The following HEATR5A variants were observed in gnomAD, a reference collection of about 807,000 sequenced individuals.
HEATR5A encodes the protein HEAT repeat containing 5A, also known as HEAT repeat-containing protein 5A.
Under a neutral mutation model 218.8 loss-of-function variants are expected in HEATR5A, and 178 were observed. The ratio of observed to expected loss-of-function variants is 0.81; its 90% CI spans 0.72 to 0.92. HEATR5A has a LOEUF of 0.92. Among genes scored for constraint, HEATR5A ranks in the 40% least tolerant of loss-of-function variants. HEATR5A has a pLI of 0.00. For missense variants in HEATR5A, 2,420 were observed against 2,418.9 expected, an observed-to-expected ratio of 1.00 and a Z score of -0.01; for synonymous variants, 864 against 871.6, an observed-to-expected ratio of 0.99 and a Z score of 0.15.
intron 12 of HEATR5A, among the ~76,000 whole-genome samples, chr14:31,374,572 GT>G (rs1031793356): frequency 6.6e-6 from 1 of 152,096 alleles, no homozygotes; most frequent in African/African-American, 2.4e-5. Flanking sequence ...AATGTTGGCA[GT>G]TTTAACTGGA....
intron 4 of HEATR5A, among the ~76,000 whole-genome samples, chr14:31,398,337 T>C (rs1191653363): frequency 1.3e-5 from 2 of 152,178 alleles, no homozygotes; most frequent in Admixed American, 6.5e-5. Flanking sequence ...TAGTCCCTGG[T>C]GACAAGCAGT....
intron 22 of HEATR5A, among the ~76,000 whole-genome samples, chr14:31,334,692 G>C (rs1017114675): frequency 4.6e-5 from 7 of 152,098 alleles, no homozygotes; most frequent in African/African-American, 1.4e-4. Context: ...CACGCCTTTA[G>C]TCCCAGCACT....
At chr14:31,398,311 A>G (rs2030735855) in intron 4 of HEATR5A, among the ~76,000 whole-genome samples, 1 of 152,192 alleles carries the variant, frequency 6.6e-6, no homozygotes, top group Non-Finnish European at 1.5e-5. Context: ...AAGGTATACA[A>G]TGTTTATCAA....
chr14:31,378,540 C>T (rs943485575), intron 11 of HEATR5A, among the ~76,000 whole-genome samples: 6 of 152,146 alleles, frequency 3.9e-5, no homozygotes, highest in Non-Finnish European at 7.4e-5. Flanking sequence ...GTAATCCCAG[C>T]GCTTTGGGAG....
Position 31,398,741 on chromosome 14 carries a change from C to T in HEATR5A, c.379G>A (p.Gly127Ser), listed in dbSNP as rs1313123245. ...VCLGSLYKKL[G>S]RILGNTFTDT... The stretch of plus-strand genomic sequence containing the variant: ...GTAAAGGTGTTACCCAGTATTCTAC[C>T]CAACTTCTTGTACAAGGAACCCAAA... The change falls in exon 4 of 36, where the codon GGT becomes AGT. Residue 127 changes from glycine to serine, a missense_variant. Transcript: ENST00000543095. 1.3e-6 allele frequency: 2 copies of T among 1,533,622 alleles called. No individual in the cohort carries two copies. Among genetic ancestry groups the T allele is most frequent in the Admixed American group, 2.0e-5 (1 of 50,980 alleles).
chr14:31,337,639 A>T, intron 21 of HEATR5A, 25 bp from the exon 22 acceptor site: 1 of 1,586,238 alleles, frequency 6.3e-7, no homozygotes, highest in South Asian at 1.2e-5. Flanking sequence ...TTGAGGAACG[A>T]CAGAGCTAAA....
intron 3 of HEATR5A, 146 bp from the exon 4 acceptor site, chr14:31,398,927 A>G (rs1369439827): frequency 6.7e-6 from 4 of 599,848 alleles, no homozygotes; most frequent in East Asian, 2.8e-5. Flanking sequence ...AAACACAAAC[A>G]TATTTAATTG....
At chr14:31,319,209 A>G (rs1372267037) in intron 25 of HEATR5A, among the ~76,000 whole-genome samples, 1 of 151,872 alleles carries the variant, frequency 6.6e-6, no homozygotes. Context: ...CTGGAGTGCA[A>G]TGGCATGATC....
At chr14:31,317,854 T>C (rs955080340) in intron 26 of HEATR5A, among the ~76,000 whole-genome samples, 7 of 152,200 alleles carry the variant, frequency 4.6e-5, no homozygotes, top group African/African-American at 1.7e-4. Context: ...TAAACACCTC[T>C]AATATCCATC....
At chr14:31,370,756 GAACTTAAAACATAGGTAA>G (rs983968115) in intron 13 of HEATR5A, among the ~76,000 whole-genome samples, 5 of 152,094 alleles carry the variant, frequency 3.3e-5, no homozygotes, top group Non-Finnish European at 7.4e-5. Flanking sequence ...GAAAATGAAT[GAACTTAAAACATAGGTAA>G]AACTTAGAAA....
rs149846367 is a variant in HEATR5A, at chr14:31,335,648, C to T, written c.3367+1828G>A. Among the ~76,000 whole-genome samples, 447 of 152,160 alleles carry T rather than the reference C, an allele frequency of 2.9e-3. 13 individuals carry two copies. In the East Asian group the frequency reaches 0.064, roughly 22 times the overall value. ...ATGATGGTACTTTGAAAACTATATA[C>T]ATAAATTATTATTATTATTTTTTGA... is the stretch of plus-strand genomic sequence containing the variant. On this transcript the variant is annotated intron_variant, in intron 22 of 35. Coordinates refer to ENST00000543095, the MANE Select transcript of HEATR5A (RefSeq NM_015473.4).
At chr14:31,341,073 A>T (rs1005767559) in intron 21 of HEATR5A, among the ~76,000 whole-genome samples, 1 of 152,224 alleles carries the variant, frequency 6.6e-6, no homozygotes, top group Non-Finnish European at 1.5e-5. Flanking sequence ...AACAAATTCA[A>T]TCTAATAAAT....
At chr14:31,412,735 T>C (rs1744572077) in intron 1 of HEATR5A, among the ~76,000 whole-genome samples, 1 of 151,782 alleles carries the variant, frequency 6.6e-6, no homozygotes, top group African/African-American at 2.4e-5. Context: ...TAGCTGGGCG[T>C]GGTGGCAGGC....
At chr14:31,320,136 T>C in intron 25 of HEATR5A, 1 of 279,082 alleles carries the variant, frequency 3.6e-6, no homozygotes, top group Non-Finnish European at 6.9e-6. Flanking sequence ...AGAAACGTTG[T>C]GTTTAATGGT....
chr14:31,342,667 T>C (rs1194406352), intron 21 of HEATR5A, among the ~76,000 whole-genome samples: 1 of 152,034 alleles, frequency 6.6e-6, no homozygotes, highest in African/African-American at 2.4e-5. Flanking sequence ...TCTACAAAGG[T>C]AGTATGGAAT....
chr14:31,358,539 T>C (rs1375921129), intron 16 of HEATR5A, 98 bp downstream of exon 16: 4 of 1,079,154 alleles, frequency 3.7e-6, no homozygotes, highest in East Asian at 2.4e-5. Context: ...TCACCTGTTA[T>C]TTATAAGAAA....
intron 16 of HEATR5A, among the ~76,000 whole-genome samples, chr14:31,356,494 C>G (rs1347833102): frequency 6.6e-6 from 1 of 152,164 alleles, no homozygotes; most frequent in Non-Finnish European, 1.5e-5. Context: ...CTTGGCCTCC[C>G]AAAGTGCTTG....
At chr14:31,300,750 G>A (rs1167195505) in intron 33 of HEATR5A, among the ~76,000 whole-genome samples, 4 of 152,126 alleles carry the variant, frequency 2.6e-5, no homozygotes, top group Non-Finnish European at 4.4e-5. Context: ...GACTTCTTTT[G>A]CCCAATATTG....
At chr14:31,347,094 A>T (rs1204858921) in intron 19 of HEATR5A, among the ~76,000 whole-genome samples, 1 of 152,214 alleles carries the variant, frequency 6.6e-6, no homozygotes, top group Non-Finnish European at 1.5e-5. Flanking sequence ...GGCTATATAC[A>T]CCCTAATAAA....
Sources: allele counts gnomAD v4.1 joint callset (sites outside exome capture counted in the v4.1 genomes callset), GRCh38; gene constraint gnomAD v4.1.1; transcripts MANE v1.5; gene names NCBI Gene and HGNC (gene_info 2026-07-23, HGNC 2026-07-21).